CYP46A1: variants seen among roughly 807,000 people sequenced by gnomAD.
CYP46A1 encodes the protein cytochrome P450 family 46 subfamily A member 1.
In CYP46A1, 20 loss-of-function variants were observed where a neutral mutation model predicts 63.3. The ratio of observed to expected loss-of-function variants is 0.32; its 90% CI spans 0.22 to 0.46. The LOEUF is 0.46. CYP46A1 is among the 20% of genes least tolerant of loss of function. The probability of loss-of-function intolerance (pLI) is 1.00; values close to 1 mark genes in which losing one functional copy is unlikely to be tolerated. For missense variants in CYP46A1, 445 were observed against 670.8 expected (o/e 0.66, Z 3.72); for synonymous variants, 268 against 273.6 (o/e 0.98, Z 0.20).
intron 10 of CYP46A1, among the ~76,000 whole-genome samples, chr14:99,719,646 G>A (rs1295675084): frequency 1.3e-5 from 2 of 151,874 alleles, no homozygotes; most frequent in East Asian, 1.9e-4. Context: ...ACTTATGTAA[G>A]TGGACTCATA....
intron 12 of CYP46A1, among the ~76,000 whole-genome samples, chr14:99,724,863 G>A (rs762200169): frequency 6.6e-6 from 1 of 152,204 alleles, no homozygotes; most frequent in Non-Finnish European, 1.5e-5. Flanking sequence ...CACAGAGTGA[G>A]CGTCAGCCCC....
rs763370416 is a variant in CYP46A1, at chr14:99,687,855, CGG to C, written c.120-3223_120-3222del. Among the ~76,000 whole-genome samples the C allele has an allele frequency of 1.6e-4, 24 of 152,292 alleles. No homozygotes were observed. The East Asian group carries it at 3.9e-3, about 24-fold the overall frequency. ...ACATGCCAAGTGGGCTTCTGCCTGC[CGG>C]GGCGCTGAGCAACAAGTCCCCATGT... On this transcript the variant is annotated intron_variant, in intron 1 of 14. Coordinates refer to ENST00000261835, the MANE Select transcript of CYP46A1 (RefSeq NM_006668.2).
Position 99,726,259 on chromosome 14 carries a change from A to G in CYP46A1, c.1332+3A>G. On this transcript the variant is annotated splice_donor_region_variant and intron_variant, in intron 14 of 14. Coordinates refer to ENST00000261835, the MANE Select transcript of CYP46A1 (RefSeq NM_006668.2). ...GCATCGGGCAGCAGTTTGCTCAGGT[A>G]GGAGGGGCAGGGCTGTGGTTCTGCC... The G allele has an allele frequency of 6.2e-7, 1 of 1,613,004 alleles. No individual in the cohort carries two copies. The highest frequency in any genetic ancestry group is 8.5e-7 in the Non-Finnish European group (1 of 1,179,808).
At chr14:99,691,898 G>A in intron 3 of CYP46A1, 37 bp downstream of exon 3, 1 of 1,600,156 alleles carries the variant, frequency 6.2e-7, no homozygotes, top group Admixed American at 1.7e-5. Flanking sequence ...GGAGTTCCCT[G>A]CCTTTCCTTG....
At chr14:99,699,262 C>T (rs558159255) in intron 3 of CYP46A1, among the ~76,000 whole-genome samples, 6 of 152,246 alleles carry the variant, frequency 3.9e-5, no homozygotes, top group East Asian at 1.9e-4. Flanking sequence ...AAAATCACTT[C>T]GCCCCTCTGT....
intron 9 of CYP46A1, among the ~76,000 whole-genome samples, chr14:99,716,450 G>A (rs991398895): frequency 2.6e-5 from 4 of 152,224 alleles, no homozygotes; most frequent in African/African-American, 9.6e-5. Context: ...GCTTGGCTGT[G>A]TGAATGCAGG....
At chr14:99,689,070 C>G (rs768297870) in intron 1 of CYP46A1, among the ~76,000 whole-genome samples, 1 of 152,172 alleles carries the variant, frequency 6.6e-6, no homozygotes, top group East Asian at 1.9e-4. Flanking sequence ...CCCTTGTGGC[C>G]TCATCCAATC....
intron 9 of CYP46A1, among the ~76,000 whole-genome samples, chr14:99,716,791 C>T (rs890876304): frequency 6.6e-6 from 1 of 152,234 alleles, no homozygotes; most frequent in African/African-American, 2.4e-5. Flanking sequence ...TTTTGCTCAC[C>T]TCTGTTCTCC....
rs375146687 is a variant in CYP46A1, at chr14:99,725,435, C to G, written c.1221C>G (p.Asp407Glu). 3.7e-6 allele frequency: 6 copies of G among 1,614,128 alleles called. No homozygotes were observed. Among genetic ancestry groups the G allele is most frequent in the Non-Finnish European group, 5.1e-6 (6 of 1,180,014 alleles). The change falls in exon 13 of 15, where the codon GAC becomes GAG. Residue 407 changes from aspartate (D) to glutamate (E), a missense_variant. This residue lies in a region of CYP46A1 where 95 missense variants were observed against 156.9 expected (regional missense o/e 0.61). Coordinates refer to ENST00000261835, the MANE Select transcript of CYP46A1 (RefSeq NM_006668.2). This position sits in a 1 kb window ranked among gnomAD's most constrained non-coding sequence, Gnocchi z 4.2. The part of the protein sequence containing the change: ...VMGRMDTYFE[D>E]PLTFNPDRFG... Reference sequence around the variant, plus strand: ...GGCGGATGGACACATACTTTGAGGACCCGCTGACTTTCAACCCCGATCGCT... The same window carrying G: ...GGCGGATGGACACATACTTTGAGGAGCCGCTGACTTTCAACCCCGATCGCT...
intron 3 of CYP46A1, among the ~76,000 whole-genome samples, chr14:99,694,367 TTTTC>T (rs2056569372): frequency 1.4e-5 from 2 of 144,324 alleles, no homozygotes; most frequent in South Asian, 4.4e-4. Flanking sequence ...GTAATTTGGG[TTTTC>T]TTTTTTTTTT....
intron 5 of CYP46A1, chr14:99,703,636 C>T (rs2056650578): frequency 2.0e-6 from 2 of 985,242 alleles, no homozygotes; most frequent in East Asian, 1.1e-4. Context: ...GCTAAGATGT[C>T]ACCTACTGAG....
intron 3 of CYP46A1, among the ~76,000 whole-genome samples, chr14:99,692,074 TG>T (rs2056548748): frequency 6.6e-6 from 1 of 152,184 alleles, no homozygotes; most frequent in Non-Finnish European, 1.5e-5. Flanking sequence ...GGGGAGTAGA[TG>T]GGGACCTTGC....
At chr14:99,706,952 A>C (rs569613573) in intron 6 of CYP46A1, among the ~76,000 whole-genome samples, 167 bp downstream of exon 6, 1 of 152,296 alleles carries the variant, frequency 6.6e-6, no homozygotes, top group Admixed American at 6.5e-5. Flanking sequence ...TTCAATATTC[A>C]AAGCAACCTA....
chr14:99,684,350 G>A lies in CYP46A1; in HGVS notation c.-68G>A. The A allele has an allele frequency of 9.9e-7, 1 of 1,005,452 alleles. No individual in the cohort carries two copies. Among genetic ancestry groups the A allele is most frequent in the Non-Finnish European group, 1.3e-6 (1 of 786,112 alleles). 62.3% of individuals were successfully genotyped at this position (1,005,452 alleles called of 1,614,324 possible). The stretch of plus-strand genomic sequence containing the variant: ...GGCGCGCGGCGCTGACAGCTGAGTC[G>A]GCTCGCGGCCTCCCGGCCCCCTCGG... On this transcript the variant is annotated 5_prime_UTR_variant, in exon 1 of 15. Transcript: ENST00000261835.
chr14:99,707,691 C>G lies in CYP46A1; in HGVS notation c.693+13C>G. 6.2e-7 allele frequency: 1 copy of G among 1,609,794 alleles called. No homozygotes were observed. Among genetic ancestry groups the G allele is most frequent in the South Asian group, 1.1e-5 (1 of 90,998 alleles). The stretch of plus-strand genomic sequence containing the variant: ...CACTCTGGCAAAGGTACTGCCTCAG[C>G]ACCCCCTCTGGTGACCAGCCACCAG... On this transcript the variant is annotated intron_variant, in intron 7 of 14. Coordinates refer to ENST00000261835, the MANE Select transcript of CYP46A1 (RefSeq NM_006668.2).
intron 5 of CYP46A1, among the ~76,000 whole-genome samples, chr14:99,702,329 C>A (rs1347773296): frequency 6.6e-6 from 1 of 152,124 alleles, no homozygotes; most frequent in Non-Finnish European, 1.5e-5. Context: ...TATGGATATA[C>A]CACATATTGT....
chr14:99,714,708 T>C (rs2056771072), intron 7 of CYP46A1, among the ~76,000 whole-genome samples: 1 of 147,310 alleles, frequency 6.8e-6, no homozygotes, highest in South Asian at 2.1e-4. Context: ...TGCAGTGAGC[T>C]GAGATCGTGC....
At chr14:99,720,539 A>C (rs2056836726) in intron 10 of CYP46A1, among the ~76,000 whole-genome samples, 1 of 150,232 alleles carries the variant, frequency 6.7e-6, no homozygotes, top group African/African-American at 2.5e-5. Flanking sequence ...GCTCACTGCA[A>C]ACTCCACCTC....
chr14:99,715,724 G>A (rs1305823804), intron 7 of CYP46A1, 86 bp from the exon 8 acceptor site: 17 of 1,576,376 alleles, frequency 1.1e-5, no homozygotes, highest in South Asian at 4.6e-5. Context: ...TGCCAGTGCC[G>A]CTAACGTCAT....
Sources: allele counts gnomAD v4.1 joint callset (sites outside exome capture counted in the v4.1 genomes callset), GRCh38; gene constraint gnomAD v4.1.1; regional missense constraint gnomAD v4.1.1; non-coding constraint Gnocchi (gnomAD v3.1); transcripts MANE v1.5; gene names NCBI Gene and HGNC (gene_info 2026-07-23, HGNC 2026-07-21).